The following NECAP2 variants were observed in gnomAD, a reference collection of about 807,000 sequenced individuals.
NECAP2 encodes NECAP endocytosis associated 2.
A neutral mutation model predicts 37.8 loss-of-function variants in NECAP2; 38 were observed. The ratio of observed to expected loss-of-function variants is 1.01; its 90% CI spans 0.78 to 1.32. The LOEUF (loss-of-function observed/expected upper bound fraction) is 1.32. Among genes scored for constraint, NECAP2 ranks in the 40% most tolerant of loss-of-function variants. NECAP2 has a pLI of 0.00. For missense variants in NECAP2, 316 were observed against 334.5 expected, an observed-to-expected ratio of 0.94 and a Z score of 0.43; for synonymous variants, 121 against 127.7, an observed-to-expected ratio of 0.95 and a Z score of 0.35.
At position 16,449,135 on chromosome 1, in the gene NECAP2, C is replaced by T. The variant is rs1406046783; in HGVS notation, c.423C>T (p.Asn141=). The part of the protein sequence containing the change: ...QQCEFAKQAQ[N]PDQGPKLDLG... ...GTGAATTTGCAAAACAAGCCCAGAA[C>T]CCAGACCAAGGCCCTAAACTGGACC... is the stretch of plus-strand genomic sequence containing the variant. Residue 141 remains asparagine (N), a synonymous_variant, in exon 5 of 8, where the codon AAC becomes AAT. Coordinates refer to ENST00000337132, the MANE Select transcript of NECAP2 (RefSeq NM_018090.5). 6.2e-7 allele frequency: 1 copy of T among 1,613,456 alleles called. No individual in the cohort carries two copies. Among genetic ancestry groups the T allele is most frequent in the African/African-American group, 1.3e-5 (1 of 74,914 alleles).
intron 7 of NECAP2, 42 bp from the exon 8 acceptor site, chr1:16,458,800 A>G: frequency 1.2e-6 from 2 of 1,605,316 alleles, no homozygotes; most frequent in Non-Finnish European, 1.7e-6. Flanking sequence ...TGTATTTTCA[A>G]AGATCTGAAC....
intron 6 of NECAP2, among the ~76,000 whole-genome samples, chr1:16,454,214 CT>C (rs2086885873): frequency 6.6e-6 from 1 of 151,600 alleles, no homozygotes; most frequent in African/African-American, 2.4e-5. Context: ...CATGCGCCAC[CT>C]CACGTGGCTA....
At chr1:16,451,469 A>G (rs2086841341) in intron 5 of NECAP2, 1 of 198,520 alleles carries the variant, frequency 5.0e-6, no homozygotes, top group Non-Finnish European at 1.0e-5. Context: ...AATTTTTCAA[A>G]GTAGTTTTAC....
intron 4 of NECAP2, among the ~76,000 whole-genome samples, chr1:16,448,862 T>C (rs2086800912): frequency 6.6e-6 from 1 of 152,132 alleles, no homozygotes; most frequent in African/African-American, 2.4e-5. Flanking sequence ...TGAAAACCTA[T>C]AGAATTGTGG....
chr1:16,457,197 T>G (rs2086933606), intron 7 of NECAP2, among the ~76,000 whole-genome samples: 1 of 152,210 alleles, frequency 6.6e-6, no homozygotes, highest in Non-Finnish European at 1.5e-5. Flanking sequence ...GGCTCATGCC[T>G]GTAATCCCAG....
chr1:16,459,065 G>A lies in NECAP2; in HGVS notation c.*175G>A. ...ATGTTTGGCAGTAAATTGGCACCGT[G>A]TCACACTGTTTCCTGGGATTCAAGT... is the stretch of plus-strand genomic sequence containing the variant. On this transcript the variant is annotated 3_prime_UTR_variant, in exon 8 of 8. Transcript: ENST00000337132. 6.9e-7 allele frequency: 1 copy of A among 1,443,012 alleles called. No homozygotes were observed. The highest frequency in any genetic ancestry group is 2.5e-5 in the East Asian group (1 of 40,150). 89.4% of individuals were successfully genotyped at this position (1,443,012 alleles called of 1,614,324 possible).
At chr1:16,440,925 G>T (rs1286043289) in intron 1 of NECAP2, 72 bp downstream of exon 1, 3 of 1,349,300 alleles carry the variant, frequency 2.2e-6, no homozygotes, top group East Asian at 2.4e-5. Context: ...CACCCACTGC[G>T]GGAACCGAGG....
At chr1:16,452,840 A>G (rs77879959) in intron 6 of NECAP2, among the ~76,000 whole-genome samples, 3,993 of 140,338 alleles carry the variant, frequency 0.028, 176 homozygotes, top group African/African-American at 0.099. Context: ...GATTGTCACC[A>G]GCGTGCCTTC....
intron 1 of NECAP2, chr1:16,441,362 T>C (rs966505968): frequency 6.4e-6 from 1 of 155,960 alleles, no homozygotes; most frequent in Non-Finnish European, 1.4e-5. Flanking sequence ...TCACCCTTGA[T>C]CACAGCCTGG....
chr1:16,453,566 G>T (rs1288067545), intron 6 of NECAP2, among the ~76,000 whole-genome samples: 1 of 151,892 alleles, frequency 6.6e-6, no homozygotes, highest in Non-Finnish European at 1.5e-5. Flanking sequence ...TCGGCTCACC[G>T]CAACCTCCAC....
At chr1:16,451,409 C>T (rs188862773) in intron 5 of NECAP2, 88 of 162,324 alleles carry the variant, frequency 5.4e-4, no homozygotes, top group African/African-American at 2.0e-3. Context: ...AGTGGAACTG[C>T]GGAGTCATAA....
At chr1:16,455,246 G>A (rs959427342) in intron 6 of NECAP2, among the ~76,000 whole-genome samples, 5 of 152,208 alleles carry the variant, frequency 3.3e-5, no homozygotes, top group Non-Finnish European at 5.9e-5. Flanking sequence ...GCCCCATGGC[G>A]TCGCCTACCT....
intron 5 of NECAP2, 142 bp from the exon 6 acceptor site, chr1:16,451,696 C>A: frequency 1.3e-6 from 1 of 758,664 alleles, no homozygotes; most frequent in Non-Finnish European, 2.3e-6. Context: ...TAGCTCATAG[C>A]AATGGAGGTG....
chr1:16,458,733 A>G, intron 7 of NECAP2, 109 bp from the exon 8 acceptor site: 1 of 1,112,150 alleles, frequency 9.0e-7, no homozygotes, highest in Non-Finnish European at 1.3e-6. Flanking sequence ...TAGAACATTT[A>G]GGAACTGGCT....
At chr1:16,452,096 C>G (rs943052572) in intron 6 of NECAP2, 81 bp downstream of exon 6, 20 of 1,380,058 alleles carry the variant, frequency 1.4e-5, no homozygotes, top group African/African-American at 2.9e-5. Context: ...TGGTTTCCCC[C>G]CCGTTACACA....
intron 6 of NECAP2, among the ~76,000 whole-genome samples, chr1:16,453,636 G>A (rs1228310138): frequency 2.0e-5 from 3 of 151,880 alleles, no homozygotes; most frequent in Non-Finnish European, 2.9e-5. Flanking sequence ...TTACAGGCAC[G>A]CACCACCACG....
At chr1:16,450,490 T>C (rs1427386106) in intron 5 of NECAP2, 1 of 178,070 alleles carries the variant, frequency 5.6e-6, no homozygotes, top group African/African-American at 2.4e-5. Flanking sequence ...AAGCTGCTGC[T>C]TTCCTTACAA....
Position 16,447,941 on chromosome 1 carries a change from A to T in NECAP2, c.265A>T (p.Arg89Trp). 6.2e-7 allele frequency: 1 copy of T among 1,614,188 alleles called. No individual in the cohort carries two copies. Among genetic ancestry groups the T allele is most frequent in the Non-Finnish European group, 8.5e-7 (1 of 1,180,036 alleles). Residue 89 changes from arginine to tryptophan, a missense_variant, in exon 3 of 8, where the codon AGG (arginine) becomes TGG (tryptophan). By Grantham distance (101) the Arg-to-Trp change is moderately radical. Around this residue, in one of 3 missense-constraint regions of NECAP2, gnomAD observed 81 missense variants for 124.2 expected, o/e 0.65. Coordinates refer to ENST00000337132, the MANE Select transcript of NECAP2 (RefSeq NM_018090.5). ...TGTGGAGAGTGTGACGGATTCCAGC[A>T]GGTACTTCGTGATCCGCATCGAAGA... ...TAVESVTDSS[R>W]YFVIRIEDGN...
In NECAP2 at chr1:16,456,506, T is replaced by C. The variant is rs571750980; in HGVS notation, c.743+613T>C. ...CTTTGGCTTGTCCCCAGTACCTCCT[T>C]CTTCTATACCCCATCCCCCACCTTC... On this transcript the variant is annotated intron_variant, in intron 7 of 7. Transcript: ENST00000337132. Among the ~76,000 whole-genome samples, 6 of 152,232 alleles carry C rather than the reference T, an allele frequency of 3.9e-5. No individual in the cohort carries two copies. In the South Asian group the frequency reaches 1.2e-3, roughly 32 times the overall value.
Sources: allele counts gnomAD v4.1 joint callset (sites outside exome capture counted in the v4.1 genomes callset), GRCh38; gene constraint gnomAD v4.1.1; regional missense constraint gnomAD v4.1.1; transcripts MANE v1.5; gene names NCBI Gene and HGNC (gene_info 2026-07-23, HGNC 2026-07-21).